The following RIN3 variants were observed in gnomAD, a reference collection of about 807,000 sequenced individuals.
RIN3 encodes the protein Ras and Rab interactor 3, also known as RAB5 interacting protein 3.
In RIN3, 54 loss-of-function variants were observed where a neutral mutation model predicts 76.3. That is an observed-to-expected ratio of 0.71 (90% CI 0.57 to 0.89). The LOEUF (loss-of-function observed/expected upper bound fraction) is 0.89. RIN3 is among the 40% of genes least tolerant of loss of function. RIN3 has a pLI of 0.00. For synonymous variants in RIN3, 576 were observed against 564.0 expected (o/e 1.02, Z -0.30); for missense variants, 1,256 against 1,322.1 (o/e 0.95, Z 0.78).
intron 8 of RIN3, among the ~76,000 whole-genome samples, chr14:92,683,099 G>A (rs750213340): frequency 1.2e-4 from 18 of 152,058 alleles, no homozygotes; most frequent in South Asian, 1.0e-3. Context: ...CCTGGGAGGC[G>A]GAGGTTGCAA....
chr14:92,658,901 G>C (rs759404865), intron 6 of RIN3, among the ~76,000 whole-genome samples: 1 of 152,200 alleles, frequency 6.6e-6, no homozygotes, highest in Non-Finnish European at 1.5e-5. Context: ...TCTCTGCCAG[G>C]CCCTGTGAAA....
intron 5 of RIN3, 21 bp from the exon 6 acceptor site, chr14:92,651,561 G>A: frequency 6.7e-7 from 1 of 1,487,632 alleles, no homozygotes. Context: ...CTGACCCCCT[G>A]CCCCTCTCTT....
At position 92,688,290 on chromosome 14, in the gene RIN3, C is replaced by A. The variant is rs1185826743; in HGVS notation, c.*38C>A. 15 of 1,480,938 alleles carry A rather than the reference C, an allele frequency of 1.0e-5. No individual in the cohort carries two copies. The highest frequency in any genetic ancestry group is 1.3e-5 in the Non-Finnish European group (15 of 1,114,284). 91.7% of individuals were successfully genotyped at this position (1,480,938 alleles called of 1,614,324 possible). ...GCGCCTCCCCTCACCCCCAGGCGCA[C>A]GTCTGGCCCCGCCTCTGGCTGCGCA... On this transcript the variant is annotated 3_prime_UTR_variant, in exon 10 of 10. Coordinates refer to ENST00000216487, the MANE Select transcript of RIN3 (RefSeq NM_024832.5).
chr14:92,612,140 A>G (rs1279093398), intron 3 of RIN3, among the ~76,000 whole-genome samples: 1 of 152,208 alleles, frequency 6.6e-6, no homozygotes, highest in Non-Finnish European at 1.5e-5. Context: ...TTACAATTGC[A>G]CATGAGATTT....
At position 92,568,224 on chromosome 14, in the gene RIN3, C is replaced by T. The variant is rs1038656637; in HGVS notation, c.250-9136C>T. Among the ~76,000 whole-genome samples the T allele has an allele frequency of 5.3e-5, 8 of 152,064 alleles. No homozygotes were observed. In the South Asian group the frequency reaches 8.3e-4, roughly 16 times the overall value. The stretch of plus-strand genomic sequence containing the variant: ...GGAGAAAGGGCTCTGGGTGGTCCTT[C>T]GGCTCCCCATCCCACCATGTACTCA... On this transcript the variant is annotated intron_variant, in intron 2 of 9. Coordinates refer to ENST00000216487, the MANE Select transcript of RIN3 (RefSeq NM_024832.5). The surrounding 1 kb of genome is among the most constrained non-coding windows in gnomAD (Gnocchi z 4.2).
intron 3 of RIN3, among the ~76,000 whole-genome samples, chr14:92,580,207 A>G (rs1414450231): frequency 2.6e-5 from 4 of 152,224 alleles, no homozygotes; most frequent in African/African-American, 9.6e-5. Context: ...TGTCTCCACT[A>G]AAAATACAAA....
At chr14:92,545,983 T>G (rs1897254868) in intron 1 of RIN3, among the ~76,000 whole-genome samples, 1 of 151,952 alleles carries the variant, frequency 6.6e-6, no homozygotes, top group South Asian at 2.1e-4. Flanking sequence ...CGGAGTGCAG[T>G]GGCATGATCT....
chr14:92,592,657 T>C (rs1448586752), intron 3 of RIN3, among the ~76,000 whole-genome samples: 1 of 109,296 alleles, frequency 9.1e-6, no homozygotes, highest in East Asian at 2.1e-4. Context: ...ATTATTATTA[T>C]TATTATTATT....
chr14:92,666,035 C>T lies in RIN3; in HGVS notation c.2335+6566C>T, dbSNP rs564180822. Among the ~76,000 whole-genome samples the T allele has an allele frequency of 4.1e-5, 6 of 145,604 alleles. No individual in the cohort carries two copies. The East Asian group carries it at 9.8e-4, about 24-fold the overall frequency. ...GAGGCAGACTCCAGCCCGAGTCCCG[C>T]CTACCTCCACCACTGACCTACTTCC... is the stretch of plus-strand genomic sequence containing the variant. On this transcript the variant is annotated intron_variant, in intron 7 of 9. Coordinates refer to ENST00000216487, the MANE Select transcript of RIN3 (RefSeq NM_024832.5).
intron 4 of RIN3, among the ~76,000 whole-genome samples, chr14:92,639,529 C>T (rs1228105495): frequency 1.3e-5 from 2 of 152,166 alleles, no homozygotes; most frequent in Non-Finnish European, 2.9e-5. Context: ...GGTCCCCAGG[C>T]CTTAAACACT....
chr14:92,687,517 C>T (rs1412485100), intron 9 of RIN3: 1 of 202,354 alleles, frequency 4.9e-6, no homozygotes, highest in African/African-American at 2.4e-5. Flanking sequence ...ATGGGATGCC[C>T]GGGCGGGCTC....
At chr14:92,682,950 G>C (rs892773087) in intron 8 of RIN3, among the ~76,000 whole-genome samples, 2 of 152,162 alleles carry the variant, frequency 1.3e-5, no homozygotes, top group South Asian at 4.1e-4. Flanking sequence ...TGGATCACTT[G>C]AGCTCAGGAG....
rs1242514574 is a variant in RIN3, at chr14:92,679,601, G to A, written c.2467+2995G>A. On this transcript the variant is annotated intron_variant, in intron 8 of 9. Coordinates refer to ENST00000216487, the MANE Select transcript of RIN3 (RefSeq NM_024832.5). ...CCCAGGGCAGAGGGGCAAGGGTGAG[G>A]TGGTGTTTCTGAGTTTCTCTGGCTT... 5.9e-5 allele frequency among the ~76,000 whole-genome samples: 9 copies of A among 152,324 alleles called. No individual in the cohort carries two copies. The East Asian group carries it at 1.7e-3, about 29-fold the overall frequency.
intron 1 of RIN3, among the ~76,000 whole-genome samples, chr14:92,525,517 G>A (rs142029908): frequency 6.6e-6 from 1 of 152,120 alleles, no homozygotes; most frequent in Non-Finnish European, 1.5e-5. Context: ...GCCAAAGAGG[G>A]GGGTGAAAGG....
chr14:92,563,320 C>A (rs989615505), intron 2 of RIN3, among the ~76,000 whole-genome samples: 1 of 152,138 alleles, frequency 6.6e-6, no homozygotes, highest in African/African-American at 2.4e-5. Flanking sequence ...AAGATCGCAC[C>A]ACTGCACTCC....
intron 1 of RIN3, among the ~76,000 whole-genome samples, chr14:92,523,938 A>G (rs914764164): frequency 6.6e-6 from 1 of 152,174 alleles, no homozygotes; most frequent in Non-Finnish European, 1.5e-5. Flanking sequence ...CATGCCTGTA[A>G]TCCCAGTGCT....
chr14:92,537,841 A>AT (rs767533245), intron 1 of RIN3, among the ~76,000 whole-genome samples: 5,284 of 93,266 alleles, frequency 0.057, 357 homozygotes, highest in African/African-American at 0.18. Context: ...TATTTTATTT[A>AT]TTTTTTTTTT....
chr14:92,527,273 C>CG (rs146277578), intron 1 of RIN3, among the ~76,000 whole-genome samples: 8,931 of 151,816 alleles, frequency 0.059, 855 homozygotes, highest in African/African-American at 0.21. Context: ...ACAATGGTCT[C>CG]GATCTCCTGA....
At position 92,642,476 on chromosome 14, in the gene RIN3, CT is replaced by C. The variant is rs1206134106; in HGVS notation, c.532+1148del. Among the ~76,000 whole-genome samples, 2 of 152,164 alleles carry C rather than the reference CT, an allele frequency of 1.3e-5. 1 individual carries two copies. The highest frequency in any genetic ancestry group is 1.3e-4 in the Admixed American group (2 of 15,280). On this transcript the variant is annotated intron_variant, in intron 5 of 9. Transcript: ENST00000216487. ...GTTGTAGGCCCCAGAGCCTCATAAC[CT>C]GGGGCCGCCAGGTCACATTTATGAA... is the stretch of plus-strand genomic sequence containing the variant.
Sources: allele counts gnomAD v4.1 joint callset (sites outside exome capture counted in the v4.1 genomes callset), GRCh38; gene constraint gnomAD v4.1.1; non-coding constraint Gnocchi (gnomAD v3.1); transcripts MANE v1.5; gene names NCBI Gene and HGNC (gene_info 2026-07-23, HGNC 2026-07-21).